The following TASP1 variants were observed in gnomAD, a reference collection of about 807,000 sequenced individuals.
TASP1 encodes threonine aspartase 1.
In TASP1, 16 loss-of-function variants were observed where a neutral mutation model predicts 56.6. The ratio of observed to expected loss-of-function variants is 0.28; its 90% CI spans 0.19 to 0.43. TASP1 has a LOEUF of 0.43. Among genes scored for constraint, TASP1 ranks in the 20% least tolerant of loss-of-function variants. The pLI, the probability that TASP1 is intolerant of heterozygous loss-of-function variation, is 1.00. For missense variants in TASP1, 393 were observed against 511.6 expected, an observed-to-expected ratio of 0.77 and a Z score of 2.24; for synonymous variants, 179 against 184.2, an observed-to-expected ratio of 0.97 and a Z score of 0.23.
intron 12 of TASP1, among the ~76,000 whole-genome samples, chr20:13,426,642 CA>C (rs761068229): frequency 6.6e-5 from 10 of 151,976 alleles, no homozygotes; most frequent in Admixed American, 2.0e-4. Flanking sequence ...ATTATAAAAC[CA>C]AAACTAATTC....
intron 10 of TASP1, among the ~76,000 whole-genome samples, chr20:13,509,231 G>C (rs958060180): frequency 6.6e-5 from 10 of 150,636 alleles, no homozygotes; most frequent in African/African-American, 1.2e-4. Flanking sequence ...AGGATATCAG[G>C]CTAAGTGAAA....
At chr20:13,456,716 A>T (rs544200587) in intron 11 of TASP1, among the ~76,000 whole-genome samples, 4 of 152,100 alleles carry the variant, frequency 2.6e-5, no homozygotes, top group Admixed American at 2.6e-4. Context: ...GACCAAATTG[A>T]TTTGTCAGTC....
chr20:13,310,681 G>T, the TASP1 span, among the ~76,000 whole-genome samples: 1 of 152,058 alleles, frequency 6.6e-6, no homozygotes, highest in Admixed American at 6.6e-5. Flanking sequence ...TCTGATATGG[G>T]GTTAATCCGA....
intron 12 of TASP1, among the ~76,000 whole-genome samples, chr20:13,432,128 T>C (rs1324612765): frequency 2.6e-5 from 4 of 152,242 alleles, no homozygotes; most frequent in Admixed American, 2.6e-4. Flanking sequence ...GAATGTTTGA[T>C]AGACATTATA....
At chr20:13,597,590 T>A (rs892370632) in intron 4 of TASP1, among the ~76,000 whole-genome samples, 1 of 152,120 alleles carries the variant, frequency 6.6e-6, no homozygotes, top group South Asian at 2.1e-4. Context: ...GGATGGGCAA[T>A]AGCTGGAAGC....
intron 10 of TASP1, 76 bp from the exon 11 acceptor site, chr20:13,483,413 CCCT>C: frequency 1.1e-6 from 1 of 888,282 alleles, no homozygotes; most frequent in Admixed American, 2.8e-5. Context: ...CATTAGAACA[CCCT>C]TATGCATCAT....
intron 10 of TASP1, among the ~76,000 whole-genome samples, chr20:13,483,669 T>C (rs1399870326): frequency 6.6e-6 from 1 of 152,188 alleles, no homozygotes; most frequent in East Asian, 1.9e-4. Context: ...TAAACCACAT[T>C]GGTACTTTTC....
At chr20:13,524,722 G>T (rs140381672) in intron 10 of TASP1, among the ~76,000 whole-genome samples, 1 of 152,128 alleles carries the variant, frequency 6.6e-6, no homozygotes, top group Non-Finnish European at 1.5e-5. Context: ...ATTCAGGTGT[G>T]TTATAACTGA....
chr20:13,191,322 A>T, the TASP1 span, among the ~76,000 whole-genome samples: 1 of 152,212 alleles, frequency 6.6e-6, no homozygotes, highest in Non-Finnish European at 1.5e-5. Context: ...CACAATAGCA[A>T]AACTATGAAA....
chr20:13,386,593 T>A (rs73901121), downstream of TASP1, among the ~76,000 whole-genome samples: 353 of 152,282 alleles, frequency 2.3e-3, no homozygotes, highest in African/African-American at 8.0e-3. Context: ...CCTTCTTCCC[T>A]CCTTCCATCC....
chr20:13,133,520 G>A, the TASP1 span, among the ~76,000 whole-genome samples: 1 of 152,304 alleles, frequency 6.6e-6, no homozygotes, highest in Admixed American at 6.5e-5. Context: ...GATCACTTGA[G>A]GTCAGGAGTT....
chr20:13,321,510 C>G, the TASP1 span, among the ~76,000 whole-genome samples: 1 of 152,174 alleles, frequency 6.6e-6, no homozygotes, highest in South Asian at 2.1e-4. Context: ...ATCTAAAACC[C>G]TCATTAGCAC....
At chr20:13,440,653 C>G (rs1229474309) in intron 11 of TASP1, among the ~76,000 whole-genome samples, 4 of 143,540 alleles carry the variant, frequency 2.8e-5, no homozygotes, top group Non-Finnish European at 4.6e-5. Context: ...CTAGAGTAAA[C>G]AAATATAAAC....
chr20:13,291,780 G>A, the TASP1 span, among the ~76,000 whole-genome samples: 1 of 152,162 alleles, frequency 6.6e-6, no homozygotes, highest in Admixed American at 6.5e-5. Flanking sequence ...TCCTCAGTGA[G>A]CTAGACAAAG....
chr20:13,486,879 T>C (rs1168090098), intron 10 of TASP1, among the ~76,000 whole-genome samples: 1 of 152,172 alleles, frequency 6.6e-6, no homozygotes, highest in Non-Finnish European at 1.5e-5. Flanking sequence ...AGTTGCATCA[T>C]ACTTAATGAT....
At chr20:13,518,014 C>T (rs1349880021) in intron 10 of TASP1, among the ~76,000 whole-genome samples, 1 of 152,092 alleles carries the variant, frequency 6.6e-6, no homozygotes, top group African/African-American at 2.4e-5. Flanking sequence ...TTTAAGATGA[C>T]AATGTTTACA....
chr20:13,510,789 C>T (rs1388793904), intron 10 of TASP1, among the ~76,000 whole-genome samples: 1 of 152,164 alleles, frequency 6.6e-6, no homozygotes, highest in African/African-American at 2.4e-5. Flanking sequence ...AAGTACTCAG[C>T]ACAGTACCTG....
At chr20:13,630,242 A>T in intron 1 of TASP1, 90 bp from the exon 2 acceptor site, 1 of 657,496 alleles carries the variant, frequency 1.5e-6, no homozygotes, top group Non-Finnish European at 2.3e-6. Flanking sequence ...ATGTTCAAAA[A>T]TCCTATTTTT....
intron 8 of TASP1, among the ~76,000 whole-genome samples, chr20:13,547,404 G>A (rs1280796469): frequency 6.6e-6 from 1 of 152,090 alleles, no homozygotes; most frequent in African/African-American, 2.4e-5. Flanking sequence ...TCCCATTAAG[G>A]GAAGGAATAT....
Sources: gnomAD v4.1 joint callset for allele counts (sites outside exome capture counted in the v4.1 genomes callset) on GRCh38, gnomAD v4.1.1 for gene constraint, MANE v1.5 for transcripts, NCBI Gene and HGNC (gene_info 2026-07-23, HGNC 2026-07-21) for gene names.